ZNF14: variants seen among roughly 807,000 people sequenced by gnomAD.
The protein encoded by ZNF14 is zinc finger protein 14.
Under a neutral mutation model 11.3 loss-of-function variants are expected in ZNF14, and 9 were observed. The observed-to-expected ratio is 0.80, with a 90% CI of 0.48 to 1.39. The LOEUF (loss-of-function observed/expected upper bound fraction) is 1.39, where lower values mean the gene tolerates loss of function less well. Ranked by LOEUF, ZNF14 falls within the 40% of genes most tolerant of loss-of-function variation. ZNF14 has a pLI of 0.00. For missense variants in ZNF14, 711 were observed against 763.9 expected (o/e 0.93, Z 0.82); for synonymous variants, 239 against 245.7 (o/e 0.97, Z 0.25).
At chr19:19,713,851 G>A (rs2145094186) in intron 3 of ZNF14, among the ~76,000 whole-genome samples, 1 of 150,622 alleles carries the variant, frequency 6.6e-6, no homozygotes, top group East Asian at 2.0e-4. Context: ...CCAAACTGCT[G>A]GGATTACCTA....
chr19:19,726,295 T>C (rs1470932124), intron 1 of ZNF14, among the ~76,000 whole-genome samples: 2 of 134,738 alleles, frequency 1.5e-5, no homozygotes, highest in African/African-American at 5.5e-5. Context: ...TTTGTTAGTT[T>C]TCCTCCTAAC....
chr19:19,714,907 A>C (rs1207021738), intron 1 of ZNF14, among the ~76,000 whole-genome samples: 1 of 151,598 alleles, frequency 6.6e-6, no homozygotes, highest in East Asian at 1.9e-4. Flanking sequence ...ACGGGGTTTC[A>C]CCATGTTGGC....
intron 1 of ZNF14, among the ~76,000 whole-genome samples, chr19:19,732,604 G>T (rs915517682): frequency 2.0e-5 from 3 of 152,240 alleles, no homozygotes; most frequent in Admixed American, 6.5e-5. Context: ...TCATCGTAAG[G>T]TTTCCAACCA....
At chr19:19,717,329 G>A (rs561746725) in intron 1 of ZNF14, among the ~76,000 whole-genome samples, 228 of 152,256 alleles carry the variant, frequency 1.5e-3, no homozygotes, top group African/African-American at 4.9e-3. Context: ...CCCATTGGTC[G>A]GTATGCAGAG....
Position 19,713,059 on chromosome 19 carries a change from A to T in ZNF14, c.222T>A (p.Ser74Arg), listed in dbSNP as rs772249902. ...TTTCTCCACATTTGCTACCTCTTCTACTTTCACAGAGTCTCTCAACCATAT... is the reference window on the plus strand; with the variant it reads ...TTTCTCCACATTTGCTACCTCTTCTTCTTTCACAGAGTCTCTCAACCATAT... ...RCHMVERLCESRRGSKCGETT... is the reference protein window; with the variant it reads ...RCHMVERLCERRRGSKCGETT... Residue 74 changes from serine to arginine, a missense_variant, in exon 4 of 4, where the codon AGT becomes AGA. Coordinates refer to ENST00000344099, the MANE Select transcript of ZNF14 (RefSeq NM_021030.3). 1 of 1,607,756 alleles carries T rather than the reference A, an allele frequency of 6.2e-7. No individual in the cohort carries two copies. Among genetic ancestry groups the T allele is most frequent in the Non-Finnish European group, 8.5e-7 (1 of 1,176,568 alleles).
rs2062366123 is a variant in ZNF14, at chr19:19,712,847, G to A, written c.434C>T (p.Ala145Val). 1 of 1,614,018 alleles carries A rather than the reference G, an allele frequency of 6.2e-7. No homozygotes were observed. The highest frequency in any genetic ancestry group is 8.5e-7 in the Non-Finnish European group (1 of 1,180,034). Residue 145 changes from alanine (A) to valine (V), a missense_variant, in exon 4 of 4, where the codon GCA becomes GTA. Physicochemically the swap from Ala to Val is moderately conservative, Grantham distance 64. Transcript: ENST00000344099. ...GTGATAACTGAAGGTTTTCCCAACT[G>A]CTTTACATTTACATGGTTGCTTTTC... ...EYEKQPCKCKAVGKTFSYHHC... is the reference protein window; with the variant it reads ...EYEKQPCKCKVVGKTFSYHHC...
At chr19:19,729,121 C>T (rs537898712) in intron 1 of ZNF14, among the ~76,000 whole-genome samples, 24 of 152,068 alleles carry the variant, frequency 1.6e-4, no homozygotes, top group Middle Eastern at 3.4e-3. Context: ...GGATTAAAGG[C>T]ACCCACCACC....
At position 19,720,961 on chromosome 19, in the gene ZNF14, T is replaced by C. The variant is rs2062391538; in HGVS notation, c.4-6474A>G. On this transcript the variant is annotated intron_variant, in intron 1 of 3. Transcript: ENST00000344099. The surrounding 1 kb of genome is among the most constrained non-coding windows in gnomAD (Gnocchi z 4.1). ...CAACCTCCTACTCTTACTTTATTTA[T>C]TTATTGATTTTTTTGAGACAGAGTC... 6.6e-6 allele frequency among the ~76,000 whole-genome samples: 1 copy of C among 152,110 alleles called. No individual in the cohort carries two copies. Among genetic ancestry groups the C allele is most frequent in the African/African-American group, 2.4e-5 (1 of 41,380 alleles).
chr19:19,715,670 AAC>A (rs1309050988), intron 1 of ZNF14, among the ~76,000 whole-genome samples: 1 of 152,196 alleles, frequency 6.6e-6, no homozygotes, highest in Admixed American at 6.5e-5. Flanking sequence ...CAGCTAGAGA[AAC>A]AGTCTTCACA....
Position 19,712,861 on chromosome 19 carries a change from T to C in ZNF14, c.420A>G (p.Pro140=), listed in dbSNP as rs745774274. ...PNEYQEYEKQ[P]CKCKAVGKTF... is the part of the protein sequence containing the mutation. ...TTTTCCCAACTGCTTTACATTTACA[T>C]GGTTGCTTTTCATATTCCTGATACT... The change falls in exon 4 of 4, where the codon CCA becomes CCG. Residue 140 remains proline, a synonymous_variant. Transcript: ENST00000344099. 3.4e-5 allele frequency: 55 copies of C among 1,614,098 alleles called. No individual in the cohort carries two copies. Among genetic ancestry groups the C allele is most frequent in the Admixed American group, 6.7e-5 (4 of 60,012 alleles).
chr19:19,730,798 G>C (rs924525438), intron 1 of ZNF14, among the ~76,000 whole-genome samples: 4 of 152,152 alleles, frequency 2.6e-5, no homozygotes, highest in African/African-American at 7.2e-5. Flanking sequence ...TGTAATCCCA[G>C]CTACTAGGGA....
Position 19,712,401 on chromosome 19 carries a change from A to G in ZNF14, c.880T>C (p.Phe294Leu). ...CTATGAGTCCTTTTATGCCTTCGAA[A>G]AGAACTGAGAAAACTGAAGGCTTTA... ...CGKAFSFLSS[F>L]RRHKRTHSGE... The change falls in exon 4 of 4, where the codon TTT becomes CTT. Residue 294 changes from phenylalanine (F) to leucine (L), a missense_variant. Transcript: ENST00000344099. The G allele has an allele frequency of 2.5e-6, 4 of 1,609,826 alleles. No homozygotes were observed. The highest frequency in any genetic ancestry group is 2.7e-5 in the African/African-American group (2 of 74,650).
intron 3 of ZNF14, 95 bp from the exon 4 acceptor site, chr19:19,713,184 AG>A (rs1371018233): frequency 8.5e-7 from 1 of 1,171,188 alleles, no homozygotes; most frequent in Non-Finnish European, 1.2e-6. Context: ...TTTCAGAAAA[AG>A]TATAGGATAT....
Position 19,712,899 on chromosome 19 carries a change from G to A in ZNF14, c.382C>T (p.Gln128Ter). Residue 128 changes from glutamine (Q) to a stop codon, truncating the protein, a stop_gained, in exon 4 of 4, where the codon CAG becomes TAG. Coordinates refer to ENST00000344099, the MANE Select transcript of ZNF14 (RefSeq NM_021030.3). LOFTEE classifies it low-confidence loss of function (END_TRUNC). ...TATTCCTGATACTCATTTGGTTTCT[G>A]TCCAGTGTGAGATCTCATGTGCCTA... Reference protein sequence around the residue: ...LNRHMRSHTGQKPNEYQEYEK... With the variant: ...LNRHMRSHTG The A allele has an allele frequency of 6.2e-7, 1 of 1,614,078 alleles. No homozygotes were observed. The highest frequency in any genetic ancestry group is 8.5e-7 in the Non-Finnish European group (1 of 1,179,994).
chr19:19,719,406 T>C (rs2062386297), intron 1 of ZNF14, among the ~76,000 whole-genome samples: 1 of 152,192 alleles, frequency 6.6e-6, no homozygotes, highest in Non-Finnish European at 1.5e-5. Flanking sequence ...GTCCAGCTTA[T>C]GGATAAATGA....
At position 19,711,111 on chromosome 19, in the gene ZNF14, G is replaced by C. The variant is rs2062358028; in HGVS notation, c.*241C>G. ...AAAACAAAAAACAAAAAACAAAACA[G>C]ATTTCACTGCAGCACGAGTCCTGTC... is the stretch of plus-strand genomic sequence containing the variant. On this transcript the variant is annotated 3_prime_UTR_variant, in exon 4 of 4. Coordinates refer to ENST00000344099, the MANE Select transcript of ZNF14 (RefSeq NM_021030.3). The C allele has an allele frequency of 1.1e-5, 5 of 438,550 alleles. No individual in the cohort carries two copies. 27.2% of individuals were successfully genotyped at this position (438,550 alleles called of 1,614,324 possible). A position where few individuals can be genotyped will look rare whatever the true frequency, so the allele number is the denominator to read the frequency against.
chr19:19,728,631 G>A lies in ZNF14; in HGVS notation c.3+4325C>T, dbSNP rs2062413495. On this transcript the variant is annotated intron_variant, in intron 1 of 3. Transcript: ENST00000344099. Reference sequence around the variant, plus strand: ...TTGATGTGAATTCTGGTACCAATCTGAACTCGAAGGAAGTAAAGATTATGA... The same window carrying A: ...TTGATGTGAATTCTGGTACCAATCTAAACTCGAAGGAAGTAAAGATTATGA... Among the ~76,000 whole-genome samples, 2 of 129,952 alleles carry A rather than the reference G, an allele frequency of 1.5e-5. 1 individual carries two copies. The highest frequency in any genetic ancestry group is 5.1e-4 in the South Asian group (2 of 3,910). 85.3% of individuals were successfully genotyped at this position (129,952 alleles called of 152,430 possible). A position where few individuals can be genotyped will look rare whatever the true frequency, so the allele number is the denominator to read the frequency against.
At chr19:19,714,180 A>C in intron 2 of ZNF14, 29 bp from the exon 3 acceptor site, 1 of 1,605,908 alleles carries the variant, frequency 6.2e-7, no homozygotes, top group Non-Finnish European at 8.5e-7. Context: ...AAGACCATTA[A>C]AAATTATTAG....
rs3031866 is a variant in ZNF14 at position 19,714,713 on chromosome 19, C to CTTTTTTTTTTT, written c.4-237_4-227dup. 3.3e-3 allele frequency among the ~76,000 whole-genome samples: 408 copies of CTTTTTTTTTTT among 122,690 alleles called. 5 individuals are homozygous for CTTTTTTTTTTT. The highest frequency in any genetic ancestry group is 5.7e-3 in the East Asian group (25 of 4,372). The allele number at this position is 122,690 out of a possible 152,430, so 80.5% of individuals were successfully genotyped here. A position where few individuals can be genotyped will look rare whatever the true frequency, so the allele number is the denominator to read the frequency against. The stretch of plus-strand genomic sequence containing the variant: ...TTTTTTCTTTTTCCTTTTTCTTTTT[C>CTTTTTTTTTTT]TTTTTTTTTTTTTTTTGAGACAGAG... On this transcript the variant is annotated intron_variant, in intron 1 of 3. Transcript: ENST00000344099.
Sources: gnomAD v4.1 joint callset for allele counts (sites outside exome capture counted in the v4.1 genomes callset) on GRCh38, gnomAD v4.1.1 for gene constraint, Gnocchi (gnomAD v3.1) non-coding constraint, MANE v1.5 for transcripts, NCBI Gene and HGNC (gene_info 2026-07-23, HGNC 2026-07-21) for gene names.